ESRP2: variants seen among roughly 807,000 people sequenced by gnomAD.
ESRP2 encodes epithelial splicing regulatory protein 2, also known as RNA binding motif protein 35A.
A neutral mutation model predicts 78.6 loss-of-function variants in ESRP2; 48 were observed. The ratio of observed to expected loss-of-function variants is 0.61; its 90% confidence interval spans 0.48 to 0.78. ESRP2 has a LOEUF of 0.78. Ranked by LOEUF, ESRP2 falls within the 30% of genes least tolerant of loss-of-function variation. ESRP2 has a pLI of 0.00. For synonymous variants in ESRP2, 383 were observed against 406.7 expected, an observed-to-expected ratio of 0.94 and a Z score of 0.70; for missense variants, 863 against 965.9, an observed-to-expected ratio of 0.89 and a Z score of 1.41.
Position 68,235,196 on chromosome 16 carries a change from C to T in ESRP2, c.327+438G>A. 1.0e-6 allele frequency: 1 copy of T among 985,400 alleles called. No individual in the cohort carries two copies. The highest frequency in any genetic ancestry group is 4.7e-5 in the South Asian group (1 of 21,288). The allele number at this position is 985,400 out of a possible 1,614,324, so 61.0% of individuals were successfully genotyped here. A position where few individuals can be genotyped will look rare whatever the true frequency, so the allele number is the denominator to read the frequency against. On this transcript the variant is annotated intron_variant, in intron 2 of 14. Coordinates refer to ENST00000473183, the MANE Select transcript of ESRP2 (RefSeq NM_024939.3). The surrounding 1 kb of genome is among the most constrained non-coding windows in gnomAD (Gnocchi z 5.5). ...CGGCGTCTACCTCTAGGGCCGACAC[C>T]GCCCTACGCCTCCGCTCCAGCAGCT...
rs1180026437 is a variant in ESRP2, at chr16:68,229,792, T to A, written c.*434A>T. The stretch of plus-strand genomic sequence containing the variant: ...GACAGGGAGAGGTAGAACATTGGGA[T>A]CTTTACTCAGAGGCTCAGATGGACC... On this transcript the variant is annotated 3_prime_UTR_variant, in exon 15 of 15. Transcript: ENST00000473183. 5.6e-6 allele frequency: 1 copy of A among 177,664 alleles called. No homozygotes were observed. Among genetic ancestry groups the A allele is most frequent in the Non-Finnish European group, 1.2e-5 (1 of 82,052 alleles). 11.0% of individuals were successfully genotyped at this position (177,664 alleles called of 1,614,324 possible).
rs140297966 is a variant in ESRP2 at position 68,232,430 on chromosome 16, C to T, written c.895G>A (p.Glu299Lys). 45 of 1,614,088 alleles carry T rather than the reference C, an allele frequency of 2.8e-5. No homozygotes were observed. The African/African-American group carries it at 3.7e-4, about 13-fold the overall frequency. Residue 299 changes from glutamate (E) to lysine (K), a missense_variant, in exon 8 of 15, where the codon GAG (glutamate) becomes AAG (lysine). Transcript: ENST00000473183. This position sits in a 1 kb window ranked among gnomAD's most constrained non-coding sequence, Gnocchi z 5.2. ...CTCTGCAGCGCTAGGTCCCGCTGCT[C>T]GCTGTCCACAAAGCGGATGAGGGCC... Reference protein sequence around the residue: ...GEALIRFVDSEQRDLALQRHK... With the variant: ...GEALIRFVDSKQRDLALQRHK...
In ESRP2 at chr16:68,232,012, G is replaced by A. The variant is rs148578202; in HGVS notation, c.1089C>T (p.Asp363=). 12 of 1,614,086 alleles carry A rather than the reference G, an allele frequency of 7.4e-6. No homozygotes were observed. Among genetic ancestry groups the A allele is most frequent in the East Asian group, 6.7e-5 (3 of 44,874 alleles). The part of the protein sequence containing the change: ...RGLPFSAGPT[D]VLGFLGPECP... ...ACTCTGGCCCCAGGAAGCCAAGCAC[G>A]TCCGTTGGCCCAGCCGAGAAGGGCA... Residue 363 remains aspartate (D), a synonymous_variant, in exon 10 of 15, where the codon GAC becomes GAT. Transcript: ENST00000473183. The surrounding 1 kb of genome is among the most constrained non-coding windows in gnomAD (Gnocchi z 5.2).
chr16:68,231,224 G>A lies in ESRP2; in HGVS notation c.1665C>T (p.Gly555=). 1.9e-6 allele frequency: 3 copies of A among 1,613,864 alleles called. No individual in the cohort carries two copies. The highest frequency in any genetic ancestry group is 1.1e-5 in the South Asian group (1 of 91,088). Residue 555 remains glycine (G), a synonymous_variant, in exon 12 of 15, where the codon GGC becomes GGT. Transcript: ENST00000473183. The surrounding 1 kb of genome is among the most constrained non-coding windows in gnomAD (Gnocchi z 6.0). ...GGGACATGCCACTGCGGCCCAAGGT[G>A]CCCCCCATCAGCACTCGGCTCATCT... ...TEEMSRVLMG[G]TLGRSGMSPP... is the part of the protein sequence containing the mutation.
Position 68,232,286 on chromosome 16 carries a change from C to T in ESRP2, c.957G>A (p.Val319=), listed in dbSNP as rs1488425878. 2.5e-6 allele frequency: 4 copies of T among 1,613,786 alleles called. No homozygotes were observed. Among genetic ancestry groups the T allele is most frequent in the Non-Finnish European group, 3.4e-6 (4 of 1,179,966 alleles). ...CAAACTCCTCCCCTGTCGCTTTATACACCTGTGGGTACAGAGAGCAGCAGC... is the reference window on the plus strand; with the variant it reads ...CAAACTCCTCCCCTGTCGCTTTATATACCTGTGGGTACAGAGAGCAGCAGC... ...KHHMGVRYIE[V]YKATGEEFVK... is the part of the protein sequence containing the mutation. The change falls in exon 9 of 15, where the codon GTG becomes GTA. Residue 319 remains valine (V), a splice_region_variant and synonymous_variant. Coordinates refer to ENST00000473183, the MANE Select transcript of ESRP2 (RefSeq NM_024939.3). This position sits in a 1 kb window ranked among gnomAD's most constrained non-coding sequence, Gnocchi z 5.2.
At chr16:68,233,739 C>A in intron 4 of ESRP2, 29 bp downstream of exon 4, 1 of 1,563,592 alleles carries the variant, frequency 6.4e-7, no homozygotes, top group Non-Finnish European at 8.8e-7. Flanking sequence ...AGTGGCTTCT[C>A]CACCCTAACC....
At chr16:68,233,289 C>T (rs773255340) in intron 5 of ESRP2, 38 bp downstream of exon 5, 3 of 1,427,182 alleles carry the variant, frequency 2.1e-6, no homozygotes, top group Admixed American at 3.3e-5. Context: ...CATTTGTCAT[C>T]CCTGAGAACA....
At position 68,231,201 on chromosome 16, in the gene ESRP2, G is replaced by A. The variant is rs184799308; in HGVS notation, c.1688C>T (p.Ser563Phe). Residue 563 changes from serine to phenylalanine, a missense_variant, in exon 12 of 15, where the codon TCC (serine) becomes TTC (phenylalanine). By Grantham distance (155) the Ser-to-Phe change is radical. Coordinates refer to ENST00000473183, the MANE Select transcript of ESRP2 (RefSeq NM_024939.3). The surrounding 1 kb of genome is among the most constrained non-coding windows in gnomAD (Gnocchi z 6.0). ...ACAGGGCAGCTTGCAGGGTGGAGGG[G>A]ACATGCCACTGCGGCCCAAGGTGCC... is the stretch of plus-strand genomic sequence containing the variant. Reference protein sequence around the residue: ...MGGTLGRSGMSPPPCKLPCLS... With the variant: ...MGGTLGRSGMFPPPCKLPCLS... 1 of 1,613,322 alleles carries A rather than the reference G, an allele frequency of 6.2e-7. No homozygotes were observed.
In ESRP2 at chr16:68,235,203, C is replaced by T. The variant is rs1366500702; in HGVS notation, c.327+431G>A. 1 of 985,336 alleles carries T rather than the reference C, an allele frequency of 1.0e-6. No individual in the cohort carries two copies. Among genetic ancestry groups the T allele is most frequent in the Non-Finnish European group, 1.2e-6 (1 of 829,932 alleles). 61.0% of individuals were successfully genotyped at this position (985,336 alleles called of 1,614,324 possible). A position where few individuals can be genotyped will look rare whatever the true frequency, so the allele number is the denominator to read the frequency against. ...TACCTCTAGGGCCGACACCGCCCTA[C>T]GCCTCCGCTCCAGCAGCTCCCAAGC... On this transcript the variant is annotated intron_variant, in intron 2 of 14. Coordinates refer to ENST00000473183, the MANE Select transcript of ESRP2 (RefSeq NM_024939.3). This position sits in a 1 kb window ranked among gnomAD's most constrained non-coding sequence, Gnocchi z 5.5.
At position 68,235,175 on chromosome 16, in the gene ESRP2, G is replaced by A. The variant is rs2042206735; in HGVS notation, c.327+459C>T. 1 of 985,346 alleles carries A rather than the reference G, an allele frequency of 1.0e-6. No homozygotes were observed. Among genetic ancestry groups the A allele is most frequent in the Non-Finnish European group, 1.2e-6 (1 of 829,912 alleles). The allele number at this position is 985,346 out of a possible 1,614,324, so 61.0% of individuals were successfully genotyped here. A position where few individuals can be genotyped will look rare whatever the true frequency, so the allele number is the denominator to read the frequency against. ...AGACGAGCAGTTTACACCTGGCGGC[G>A]TCTACCTCTAGGGCCGACACCGCCC... On this transcript the variant is annotated intron_variant, in intron 2 of 14. Coordinates refer to ENST00000473183, the MANE Select transcript of ESRP2 (RefSeq NM_024939.3). This position sits in a 1 kb window ranked among gnomAD's most constrained non-coding sequence, Gnocchi z 5.5.
rs368193048 is a variant in ESRP2, at chr16:68,231,140, C to T, written c.1711+38G>A. ...TAGGGGCTTACAACAGCCTGGCTACCACAGGCCTCCTCCTCCCCTAGCCCC... is the reference window on the plus strand; with the variant it reads ...TAGGGGCTTACAACAGCCTGGCTACTACAGGCCTCCTCCTCCCCTAGCCCC... On this transcript the variant is annotated intron_variant, in intron 12 of 14. Transcript: ENST00000473183. The surrounding 1 kb of genome is among the most constrained non-coding windows in gnomAD (Gnocchi z 6.0). 3.1e-6 allele frequency: 5 copies of T among 1,611,222 alleles called. No homozygotes were observed. The highest frequency in any genetic ancestry group is 3.3e-5 in the Admixed American group (2 of 59,980).
rs749427513 is a variant in ESRP2 at position 68,230,177 on chromosome 16, A to T, written c.*49T>A. 1.9e-5 allele frequency: 30 copies of T among 1,556,426 alleles called. No homozygotes were observed. The highest frequency in any genetic ancestry group is 1.7e-4 in the Middle Eastern group (1 of 5,970). On this transcript the variant is annotated 3_prime_UTR_variant, in exon 15 of 15. Transcript: ENST00000473183. ...TGCTGGTCTTCTGGACTCAGGAGAG[A>T]CATGTTCGCCGAGGATATCAGCTGG... is the stretch of plus-strand genomic sequence containing the variant.
Position 68,235,784 on chromosome 16 carries a change from G to A in ESRP2, c.199-22C>T. The stretch of plus-strand genomic sequence containing the variant: ...CCACCTGTGAGCGGCGGGGGAAACC[G>A]ATCAGCCGCGCCCCTCGACCCCGGA... On this transcript the variant is annotated intron_variant, in intron 1 of 14. Transcript: ENST00000473183. This position sits in a 1 kb window ranked among gnomAD's most constrained non-coding sequence, Gnocchi z 5.5. 4 of 1,608,502 alleles carry A rather than the reference G, an allele frequency of 2.5e-6. No homozygotes were observed. Among genetic ancestry groups the A allele is most frequent in the Non-Finnish European group, 2.5e-6 (3 of 1,178,176 alleles).
rs969566259 is a variant in ESRP2, at chr16:68,229,533, T to G, written c.*693A>C. ...TGGCAGAAAGTCCTCCCCTTTAAAA[T>G]TCAAGCCTGAAGGTTTTGTGTGGGG... On this transcript the variant is annotated 3_prime_UTR_variant, in exon 15 of 15. Coordinates refer to ENST00000473183, the MANE Select transcript of ESRP2 (RefSeq NM_024939.3). The G allele has an allele frequency of 6.6e-6, 1 of 152,570 alleles. No homozygotes were observed. Among genetic ancestry groups the G allele is most frequent in the African/African-American group, 2.4e-5 (1 of 41,452 alleles). The allele number at this position is 152,570 out of a possible 1,614,324, so 9.5% of individuals were successfully genotyped here.
chr16:68,233,058 G>T, intron 5 of ESRP2: 1 of 621,506 alleles, frequency 1.6e-6, no homozygotes, highest in South Asian at 2.0e-5. Flanking sequence ...AATTAGGTGG[G>T]CATGGTGGCA....
chr16:68,230,149 G>A lies in ESRP2; in HGVS notation c.*77C>T. On this transcript the variant is annotated 3_prime_UTR_variant, in exon 15 of 15. Transcript: ENST00000473183. ...AGCCAGAAAGAAGCTACCAGGTTGA[G>A]GGTGCTGGTCTTCTGGACTCAGGAG... 1.5e-6 allele frequency: 2 copies of A among 1,373,366 alleles called. No individual in the cohort carries two copies. Among genetic ancestry groups the A allele is most frequent in the Non-Finnish European group, 2.1e-6 (2 of 962,754 alleles). 85.1% of individuals were successfully genotyped at this position (1,373,366 alleles called of 1,614,324 possible). A position where few individuals can be genotyped will look rare whatever the true frequency, so the allele number is the denominator to read the frequency against.
In ESRP2 at chr16:68,233,483, T is replaced by A. The variant is rs762314087; in HGVS notation, c.557-58A>T. Reference sequence around the variant, plus strand: ...TAGCATAAGCACTAATCCTGTTTACTCCTGGGCCCAACTCCCCTCCATAGA... The same window carrying A: ...TAGCATAAGCACTAATCCTGTTTACACCTGGGCCCAACTCCCCTCCATAGA... On this transcript the variant is annotated intron_variant, in intron 4 of 14. Coordinates refer to ENST00000473183, the MANE Select transcript of ESRP2 (RefSeq NM_024939.3). 2.2e-6 allele frequency: 3 copies of A among 1,342,136 alleles called. No individual in the cohort carries two copies. The African/African-American group carries it at 4.3e-5, about 19-fold the overall frequency. 83.1% of individuals were successfully genotyped at this position (1,342,136 alleles called of 1,614,324 possible).
chr16:68,233,633 GAC>G, intron 4 of ESRP2, 133 bp downstream of exon 4: 1 of 761,264 alleles, frequency 1.3e-6, no homozygotes, highest in Non-Finnish European at 2.3e-6. Context: ...CAGACACGAA[GAC>G]ACAGTACACT....
chr16:68,232,796 G>T lies in ESRP2; in HGVS notation c.675C>A (p.Pro225=). 1 of 1,614,142 alleles carries T rather than the reference G, an allele frequency of 6.2e-7. No homozygotes were observed. Among genetic ancestry groups the T allele is most frequent in the Non-Finnish European group, 8.5e-7 (1 of 1,180,038 alleles). Residue 225 remains proline, a synonymous_variant, in exon 6 of 15, where the codon CCC becomes CCA. Transcript: ENST00000473183. The surrounding 1 kb of genome is among the most constrained non-coding windows in gnomAD (Gnocchi z 5.2). ...TCTCGTATTTCTGCTTTATCACCTC[G>T]GGCTTCGAAAACAATTGACCTGAGA... ...KEPSSQLFSK[P]EVIKQKYETG...
Sources: allele counts gnomAD v4.1 joint callset, GRCh38; gene constraint gnomAD v4.1.1; non-coding constraint Gnocchi (gnomAD v3.1); transcripts MANE v1.5; gene names NCBI Gene and HGNC (gene_info 2026-07-23, HGNC 2026-07-21).